Variants in GOPC observed in about 807,000 individuals in gnomAD.
The protein encoded by GOPC is golgi associated PDZ and coiled-coil motif containing.
Under a neutral mutation model 51.2 loss-of-function variants are expected in GOPC, and 32 were observed. That is an observed-to-expected ratio of 0.63 (90% confidence interval 0.47 to 0.84). The LOEUF (loss-of-function observed/expected upper bound fraction) is 0.84. GOPC is among the 40% of genes least tolerant of loss of function. The pLI, the probability that GOPC is intolerant of heterozygous loss-of-function variation, is 0.00. For synonymous variants in GOPC, 190 were observed against 205.1 expected (o/e 0.93, Z 0.63); for missense variants, 441 against 555.5 (o/e 0.79, Z 2.07).
intron 1 of GOPC, among the ~76,000 whole-genome samples, chr6:117,587,278 C>T (rs891276332): frequency 2.6e-5 from 4 of 152,062 alleles, no homozygotes; most frequent in African/African-American, 9.7e-5. Context: ...AAATGTAATC[C>T]TCATAATATA....
At chr6:117,589,431 T>C (rs1780082535) in intron 1 of GOPC, among the ~76,000 whole-genome samples, 1 of 152,274 alleles carries the variant, frequency 6.6e-6, no homozygotes, top group African/African-American at 2.4e-5. Context: ...GTGATTCTCC[T>C]GCCTCAGCCT....
At chr6:117,577,374 A>T in intron 3 of GOPC, 74 bp downstream of exon 3, 1 of 1,308,200 alleles carries the variant, frequency 7.6e-7, no homozygotes, top group Non-Finnish European at 1.1e-6. Flanking sequence ...GAGTGACAAC[A>T]TATAATATGC....
intron 1 of GOPC, among the ~76,000 whole-genome samples, chr6:117,597,068 G>A (rs1780208026): frequency 6.6e-6 from 1 of 152,148 alleles, no homozygotes; most frequent in Non-Finnish European, 1.5e-5. Flanking sequence ...TCTTTCAGCA[G>A]TGTTTTATAG....
Position 117,574,223 on chromosome 6 carries a change from C to CT in GOPC, c.651-592_651-591insA, listed in dbSNP as rs1173707079. 5.3e-5 allele frequency among the ~76,000 whole-genome samples: 8 copies of CT among 151,350 alleles called. No homozygotes were observed. In the South Asian group the frequency reaches 1.7e-3, roughly 32 times the overall value. ...CCAACGTTGCACCACTGCACTCCAT[C>CT]CTGAGCGACAGAGTGAGACCCCATC... On this transcript the variant is annotated intron_variant, in intron 4 of 8. Transcript: ENST00000368498.
At chr6:117,569,923 T>C in intron 6 of GOPC, 187 bp from the exon 7 acceptor site, 1 of 598,172 alleles carries the variant, frequency 1.7e-6, no homozygotes, top group East Asian at 3.7e-5. Flanking sequence ...TGAACAGAAA[T>C]TGGCTAAATT....
chr6:117,596,161 A>AT (rs1780194506), intron 1 of GOPC, among the ~76,000 whole-genome samples: 1 of 151,872 alleles, frequency 6.6e-6, no homozygotes, highest in Non-Finnish European at 1.5e-5. Flanking sequence ...GTTGTTGAGC[A>AT]TTTTTTCATG....
chr6:117,600,651 T>A (rs141462133), intron 1 of GOPC, among the ~76,000 whole-genome samples: 29 of 152,240 alleles, frequency 1.9e-4, no homozygotes, highest in Non-Finnish European at 3.8e-4. Flanking sequence ...GAAAAAAATA[T>A]AATAAGATAA....
rs1359629719 is a variant in GOPC at position 117,560,527 on chromosome 6, T to C, written c.*2727A>G. On this transcript the variant is annotated 3_prime_UTR_variant, in exon 9 of 9. Transcript: ENST00000368498. ...CATGAAACCTTTTTGTTTCTAAACA[T>C]GAAAACAGCATAAGTCCACTGCAGT... 3 of 194,562 alleles carry C rather than the reference T, an allele frequency of 1.5e-5. No homozygotes were observed. Among genetic ancestry groups the C allele is most frequent in the African/African-American group, 7.0e-5 (3 of 43,130 alleles). 12.1% of individuals were successfully genotyped at this position (194,562 alleles called of 1,614,324 possible). A position where few individuals can be genotyped will look rare whatever the true frequency, so the allele number is the denominator to read the frequency against.
intron 1 of GOPC, among the ~76,000 whole-genome samples, chr6:117,584,813 T>C (rs1157264130): frequency 1.3e-5 from 2 of 151,846 alleles, no homozygotes; most frequent in Non-Finnish European, 2.9e-5. Flanking sequence ...CACCATCCCC[T>C]TGGTGGTAAC....
chr6:117,598,208 A>AT (rs1189000138), intron 1 of GOPC, among the ~76,000 whole-genome samples: 117 of 151,488 alleles, frequency 7.7e-4, no homozygotes, highest in African/African-American at 2.7e-3. Context: ...AAAAAAAAAA[A>AT]AAATAAAATA....
intron 1 of GOPC, among the ~76,000 whole-genome samples, chr6:117,589,007 G>A (rs993365041): frequency 1.3e-5 from 2 of 152,016 alleles, no homozygotes; most frequent in South Asian, 2.1e-4. Flanking sequence ...CTTGGGCCAC[G>A]CACAAAATAC....
chr6:117,583,462 T>A (rs1223176558), intron 1 of GOPC, among the ~76,000 whole-genome samples: 1 of 152,176 alleles, frequency 6.6e-6, no homozygotes, highest in African/African-American at 2.4e-5. Context: ...CAACACTAAA[T>A]GCTTTTTTGG....
intron 1 of GOPC, among the ~76,000 whole-genome samples, chr6:117,582,034 A>G (rs1779965837): frequency 6.6e-6 from 1 of 152,100 alleles, no homozygotes; most frequent in African/African-American, 2.4e-5. Context: ...TTTTCATTTT[A>G]GCAATTCTGG....
intron 1 of GOPC, among the ~76,000 whole-genome samples, chr6:117,595,408 TTCAA>T (rs1158383186): frequency 4.6e-5 from 7 of 152,316 alleles, no homozygotes; most frequent in Non-Finnish European, 8.8e-5. Context: ...GTTTTGTTTT[TTCAA>T]TAGGTTTCTG....
chr6:117,601,550 T>C (rs1772010413), intron 1 of GOPC, among the ~76,000 whole-genome samples: 1 of 152,198 alleles, frequency 6.6e-6, no homozygotes, highest in African/African-American at 2.4e-5. Flanking sequence ...TTTATGCATG[T>C]CTCTGTATGC....
chr6:117,593,218 T>C (rs1780144812), intron 1 of GOPC, among the ~76,000 whole-genome samples: 1 of 152,078 alleles, frequency 6.6e-6, no homozygotes, highest in African/African-American at 2.4e-5. Context: ...TCTCACCTAC[T>C]TTTAGCAACT....
intron 3 of GOPC, 29 bp downstream of exon 3, chr6:117,577,419 T>C (rs1283768868): frequency 1.9e-5 from 31 of 1,596,530 alleles, no homozygotes; most frequent in African/African-American, 2.7e-5. Flanking sequence ...GCGTGACATA[T>C]TAAAGCAAAA....
chr6:117,569,661 G>GCCCT lies in GOPC; in HGVS notation c.984_987dup (p.Leu330ArgfsTer15). On this transcript the variant is annotated frameshift_variant, in exon 7 of 9. Transcript: ENST00000368498. LOFTEE classifies it high-confidence loss of function. ...GCCAAAATAGCATCCCCAACGTGCA[G>GCCCT]CCCTCCGCATCTATCAGCAGGTTGC... 6.2e-7 allele frequency: 1 copy of GCCCT among 1,612,524 alleles called. No homozygotes were observed. The highest frequency in any genetic ancestry group is 8.5e-7 in the Non-Finnish European group (1 of 1,179,514).
chr6:117,594,442 CA>C (rs1780163404), intron 1 of GOPC, among the ~76,000 whole-genome samples: 1 of 152,122 alleles, frequency 6.6e-6, no homozygotes, highest in Non-Finnish European at 1.5e-5. Flanking sequence ...TAGTATTCAT[CA>C]AAGTTGCAAT....
Sources: allele counts gnomAD v4.1 joint callset (sites outside exome capture counted in the v4.1 genomes callset), GRCh38; gene constraint gnomAD v4.1.1; transcripts MANE v1.5; gene names NCBI Gene and HGNC (gene_info 2026-07-23, HGNC 2026-07-21).